The following ALMS1 variants were observed in gnomAD, a reference collection of about 807,000 sequenced individuals.
The protein encoded by ALMS1 is ALMS1 centrosome and basal body associated protein.
Under a neutral mutation model 352.2 loss-of-function variants are expected in ALMS1, and 271 were observed. The ratio of observed to expected loss-of-function variants is 0.77; its 90% CI spans 0.70 to 0.85. ALMS1 has a LOEUF of 0.85. ALMS1 is among the 40% of genes least tolerant of loss of function. The pLI, the probability that ALMS1 is intolerant of heterozygous loss-of-function variation, is 0.00. For synonymous variants in ALMS1, 1,865 were observed against 1,761.2 expected, an observed-to-expected ratio of 1.06 and a Z score of -1.48; for missense variants, 5,445 against 4,870.7, an observed-to-expected ratio of 1.12 and a Z score of -3.51.
intron 11 of ALMS1, among the ~76,000 whole-genome samples, chr2:73,523,862 T>C (rs1673736159): frequency 6.6e-6 from 1 of 152,158 alleles, no homozygotes; most frequent in African/African-American, 2.4e-5. Flanking sequence ...TTTTGGGTTT[T>C]ATTAACTAGA....
In ALMS1 at chr2:73,572,382, G is replaced by A; in HGVS notation, c.10505G>A (p.Gly3502Glu). 6.2e-7 allele frequency: 1 copy of A among 1,609,808 alleles called. No individual in the cohort carries two copies. The stretch of plus-strand genomic sequence containing the variant: ...CAAGATATTTGCCATGAATCTTTGG[G>A]AAAGAGTGTTTTCATGAGACATTCT... ...SDQDICHESLGKSVFMRHSWK... is the reference protein window; with the variant it reads ...SDQDICHESLEKSVFMRHSWK... The change falls in exon 16 of 23, where the codon GGA becomes GAA. Residue 3502 changes from glycine (G) to glutamate (E), a missense_variant. Gly to Glu is a moderately conservative substitution (Grantham distance 98, BLOSUM62 -2). Transcript: ENST00000613296.
At chr2:73,476,256 T>G (rs1345944508) in intron 9 of ALMS1, among the ~76,000 whole-genome samples, 1 of 152,150 alleles carries the variant, frequency 6.6e-6, no homozygotes, top group Non-Finnish European at 1.5e-5. Context: ...TATTATTCCA[T>G]TGTATGTGTA....
At chr2:73,459,083 A>G (rs1214230996) in intron 9 of ALMS1, 1 of 152,022 alleles carries the variant, frequency 6.6e-6, no homozygotes, top group African/African-American at 2.4e-5. Context: ...TTTTTAGTAT[A>G]GGGTGTTTCT....
At chr2:73,572,174 G>T (rs1395982973) in intron 15 of ALMS1, 88 bp from the exon 16 acceptor site, 11 of 1,143,184 alleles carry the variant, frequency 9.6e-6, no homozygotes, top group Non-Finnish European at 1.4e-5. Context: ...TTTAGTCTTT[G>T]TTCTGTATCT....
At chr2:73,483,589 C>A (rs1250856239) in intron 9 of ALMS1, among the ~76,000 whole-genome samples, 1 of 151,702 alleles carries the variant, frequency 6.6e-6, no homozygotes, top group Non-Finnish European at 1.5e-5. Context: ...TCTATTAGGT[C>A]CACTTGGTGC....
chr2:73,455,327 A>G (rs760751904), intron 9 of ALMS1, 32 bp downstream of exon 9: 1 of 1,611,820 alleles, frequency 6.2e-7, no homozygotes, highest in Non-Finnish European at 8.5e-7. Context: ...GAAGAAAGTA[A>G]ATATGAAAGA....
chr2:73,597,316 G>C (rs1219207739), intron 16 of ALMS1, among the ~76,000 whole-genome samples: 1 of 151,986 alleles, frequency 6.6e-6, no homozygotes, highest in Admixed American at 6.5e-5. Flanking sequence ...ATTAGTTCTA[G>C]TTCTTTGAGG....
chr2:73,488,564 G>A (rs1672905777), intron 9 of ALMS1, among the ~76,000 whole-genome samples: 1 of 152,174 alleles, frequency 6.6e-6, no homozygotes, highest in African/African-American at 2.4e-5. Flanking sequence ...AACTCAGAAG[G>A]GAGTGGGGCT....
chr2:73,389,364 C>T (rs1033150020), intron 1 of ALMS1, among the ~76,000 whole-genome samples: 3 of 152,076 alleles, frequency 2.0e-5, no homozygotes, highest in Non-Finnish European at 4.4e-5. Flanking sequence ...GCATAGTTTG[C>T]AGATATTTTC....
chr2:73,389,873 A>G (rs1247562095), intron 1 of ALMS1, among the ~76,000 whole-genome samples: 1 of 152,174 alleles, frequency 6.6e-6, no homozygotes, highest in South Asian at 2.1e-4. Flanking sequence ...TAGTTTTAGT[A>G]GAGATGGGGT....
chr2:73,456,185 GAT>G (rs1404080338), intron 9 of ALMS1, among the ~76,000 whole-genome samples: 1 of 151,842 alleles, frequency 6.6e-6, no homozygotes, highest in East Asian at 1.9e-4. Context: ...TTCTTATTTT[GAT>G]ATATAATGAT....
rs1672536903 is a variant in ALMS1, at chr2:73,474,372, T to TGG, written c.7675-15261_7675-15260insGG. Among the ~76,000 whole-genome samples, 8 of 18,900 alleles carry TGG rather than the reference T, an allele frequency of 4.2e-4. No homozygotes were observed. In the South Asian group the frequency reaches 0.036, roughly 84 times the overall value. 12.4% of individuals were successfully genotyped at this position (18,900 alleles called of 152,430 possible). A position where few individuals can be genotyped will look rare whatever the true frequency, so the allele number is the denominator to read the frequency against. ...TTTACTTTTTAGTGCTTGTTGACTC[T>TGG]GTGTGTGTGTGTGTGTGTGTGTGTG... On this transcript the variant is annotated intron_variant, in intron 9 of 22. Transcript: ENST00000613296.
chr2:73,391,053 G>GC (rs1670634844), intron 1 of ALMS1, among the ~76,000 whole-genome samples: 1 of 151,876 alleles, frequency 6.6e-6, no homozygotes, highest in Non-Finnish European at 1.5e-5. Flanking sequence ...TTACAGATGT[G>GC]ATGAGCCACT....
intron 2 of ALMS1, among the ~76,000 whole-genome samples, chr2:73,418,466 G>T (rs900531573): frequency 2.6e-5 from 4 of 152,162 alleles, no homozygotes; most frequent in Non-Finnish European, 5.9e-5. Context: ...ACCAAGTTTG[G>T]CCCCTCTAGC....
At chr2:73,443,037 C>T (rs1054089282) in intron 7 of ALMS1, among the ~76,000 whole-genome samples, 13 of 152,284 alleles carry the variant, frequency 8.5e-5, no homozygotes, top group African/African-American at 1.2e-4. Context: ...CACTTAATCT[C>T]GTTGATTCTA....
intron 9 of ALMS1, chr2:73,458,799 C>T (rs900460878): frequency 2.6e-5 from 4 of 152,212 alleles, no homozygotes; most frequent in African/African-American, 9.7e-5. Context: ...TTGTGGAAGG[C>T]AGTGGTTCTT....
chr2:73,595,695 A>G (rs1195667997), intron 16 of ALMS1, among the ~76,000 whole-genome samples: 3 of 152,194 alleles, frequency 2.0e-5, no homozygotes, highest in Non-Finnish European at 4.4e-5. Context: ...GTTTAACTTT[A>G]TCAGAAATTG....
At chr2:73,483,333 CA>C (rs1558663688) in intron 9 of ALMS1, among the ~76,000 whole-genome samples, 1 of 151,358 alleles carries the variant, frequency 6.6e-6, no homozygotes, top group East Asian at 1.9e-4. Context: ...GTTATGTACC[CA>C]GTAGTCATTC....
intron 19 of ALMS1, among the ~76,000 whole-genome samples, 164 bp downstream of exon 19, chr2:73,601,600 C>T (rs2104197594): frequency 1.3e-5 from 2 of 152,346 alleles, no homozygotes; most frequent in East Asian, 3.9e-4. Context: ...TTGGGTTTCT[C>T]ATCATCTGTC....
Sources: allele counts gnomAD v4.1 joint callset (sites outside exome capture counted in the v4.1 genomes callset), GRCh38; gene constraint gnomAD v4.1.1; transcripts MANE v1.5; gene names NCBI Gene and HGNC (gene_info 2026-07-23, HGNC 2026-07-21).